The following VSX2 variants were observed in gnomAD, a reference collection of about 807,000 sequenced individuals.
VSX2 encodes visual system homeobox 2.
VSX2 carries 28 observed loss-of-function variants against 32.1 expected under a neutral mutation model. The observed-to-expected ratio is 0.87, with a 90% CI of 0.65 to 1.20. The LOEUF is 1.20. VSX2 is among the 50% of genes most tolerant of loss of function. The probability of loss-of-function intolerance (pLI) is 0.00; values close to 1 mark genes in which losing one functional copy is unlikely to be tolerated. For missense variants in VSX2, 506 were observed against 488.7 expected, an observed-to-expected ratio of 1.04 and a Z score of -0.33; for synonymous variants, 243 against 214.1, an observed-to-expected ratio of 1.14 and a Z score of -1.18.
chr14:74,253,944 A>G (rs2139641779), intron 3 of VSX2, among the ~76,000 whole-genome samples: 1 of 152,212 alleles, frequency 6.6e-6, no homozygotes, highest in East Asian at 1.9e-4. Flanking sequence ...AAGAAAGTAA[A>G]GAAAAGAAAA....
chr14:74,244,944 AAGTGT>A (rs2079178514), intron 2 of VSX2, among the ~76,000 whole-genome samples: 1 of 33,622 alleles, frequency 3.0e-5, no homozygotes, highest in Non-Finnish European at 6.2e-5. Context: ...GAGAGAGAGA[AAGTGT>A]GTGTGTGTGT....
chr14:74,248,334 T>TAAAAAAGAAA (rs2079205919), intron 3 of VSX2, among the ~76,000 whole-genome samples: 1 of 84,748 alleles, frequency 1.2e-5, no homozygotes, highest in Non-Finnish European at 2.2e-5. Context: ...GAGACCAGGC[T>TAAAAAAGAAA]AAAAAAAAAA....
At chr14:74,256,228 C>T (rs932872210) in intron 3 of VSX2, among the ~76,000 whole-genome samples, 1 of 152,250 alleles carries the variant, frequency 6.6e-6, no homozygotes. Context: ...GTCAGGAGTT[C>T]GAGACCAGCC....
In VSX2 at chr14:74,244,945, AGTGT is replaced by A. The variant is rs59905689; in HGVS notation, c.456-186_456-183del. ...GTGTGTGTGTGAAAGAGAGAGAGAA[AGTGT>A]GTGTGTGTGTGTGTGTGTGTGTGTG... On this transcript the variant is annotated intron_variant, in intron 2 of 4. Transcript: ENST00000261980. Among the ~76,000 whole-genome samples, 3,096 of 59,846 alleles carry A rather than the reference AGTGT, an allele frequency of 0.052. 122 individuals are homozygous for A. The highest frequency in any genetic ancestry group is 0.11 in the Admixed American group (604 of 5,564). 39.3% of individuals were successfully genotyped at this position (59,846 alleles called of 152,430 possible).
At chr14:74,254,941 G>A (rs879902369) in intron 3 of VSX2, among the ~76,000 whole-genome samples, 2 of 151,662 alleles carry the variant, frequency 1.3e-5, no homozygotes, top group Non-Finnish European at 2.9e-5. Flanking sequence ...CACCACACCC[G>A]GCTAATTTTT....
chr14:74,239,755 G>C lies in VSX2; in HGVS notation c.194G>C (p.Arg65Pro). 1 of 1,551,428 alleles carries C rather than the reference G, an allele frequency of 6.4e-7. No individual in the cohort carries two copies. Among genetic ancestry groups the C allele is most frequent in the Non-Finnish European group, 8.7e-7 (1 of 1,148,182 alleles). ...GCCCCCGGGCACTTGCTGGCGGCGC[G>C]CTCAGTGCTCAGCCCCGCGGGGGTG... is the stretch of plus-strand genomic sequence containing the variant. Reference protein sequence around the residue: ...GLAPGHLLAARSVLSPAGVGG... With the variant: ...GLAPGHLLAAPSVLSPAGVGG... The change falls in exon 1 of 5, where the codon CGC becomes CCC. Residue 65 changes from arginine (R) to proline (P), a missense_variant. By Grantham distance (103) the Arg-to-Pro change is moderately radical. Coordinates refer to ENST00000261980, the MANE Select transcript of VSX2 (RefSeq NM_182894.3).
intron 3 of VSX2, among the ~76,000 whole-genome samples, chr14:74,246,268 A>ACTGCT (rs1295675757): frequency 1.3e-5 from 2 of 152,098 alleles, no homozygotes; most frequent in Admixed American, 6.5e-5. Flanking sequence ...ACTTCCTGGA[A>ACTGCT]CTGCTCTGCT....
chr14:74,255,319 T>G (rs1452736090), intron 3 of VSX2, among the ~76,000 whole-genome samples: 1 of 152,216 alleles, frequency 6.6e-6, no homozygotes, highest in Non-Finnish European at 1.5e-5. Context: ...TCCACTTCCC[T>G]CCAAGGCACC....
intron 3 of VSX2, among the ~76,000 whole-genome samples, chr14:74,256,694 G>C: frequency 8.9e-6 from 1 of 112,552 alleles, no homozygotes; most frequent in East Asian, 3.1e-4. Flanking sequence ...TTTTTTTTGA[G>C]ACAGAGTCTT....
At chr14:74,259,831 G>T in intron 4 of VSX2, 49 bp downstream of exon 4, 1 of 1,576,032 alleles carries the variant, frequency 6.3e-7, no homozygotes, top group Non-Finnish European at 8.6e-7. Context: ...TGAGGAGAGC[G>T]GGCTCCTTGG....
chr14:74,260,287 G>C (rs533207027), intron 4 of VSX2, among the ~76,000 whole-genome samples: 1 of 152,324 alleles, frequency 6.6e-6, no homozygotes, highest in African/African-American at 2.4e-5. Context: ...TCCTCTTGGG[G>C]TTCTAAGATC....
In VSX2 at chr14:74,260,923, A is replaced by G; in HGVS notation, c.*4A>G. On this transcript the variant is annotated 3_prime_UTR_variant, in exon 5 of 5. Coordinates refer to ENST00000261980, the MANE Select transcript of VSX2 (RefSeq NM_182894.3). ...GCAGCTGGAGGACATGGCTTAGGTC[A>G]AGGCGCGCTCAGATGCCGGAGCCCC... 1 of 1,554,368 alleles carries G rather than the reference A, an allele frequency of 6.4e-7. No homozygotes were observed. The highest frequency in any genetic ancestry group is 2.4e-5 in the East Asian group (1 of 41,188).
intron 2 of VSX2, among the ~76,000 whole-genome samples, chr14:74,243,070 A>G (rs1196775973): frequency 6.6e-6 from 1 of 152,182 alleles, no homozygotes; most frequent in African/African-American, 2.4e-5. Flanking sequence ...AGAGAGGAGA[A>G]TGGCTACGGA....
At chr14:74,245,338 A>T in intron 3 of VSX2, 50 bp downstream of exon 3, 5 of 1,609,542 alleles carry the variant, frequency 3.1e-6, no homozygotes, top group East Asian at 2.2e-5. Context: ...TCTCGGTGAC[A>T]TCTACCACTC....
At chr14:74,258,649 C>T (rs1282020198) in intron 3 of VSX2, among the ~76,000 whole-genome samples, 1 of 152,196 alleles carries the variant, frequency 6.6e-6, no homozygotes, top group Non-Finnish European at 1.5e-5. Flanking sequence ...GCTCCCGGCT[C>T]TGTCAGCTGC....
At chr14:74,254,074 G>A (rs1185653717) in intron 3 of VSX2, among the ~76,000 whole-genome samples, 2 of 152,178 alleles carry the variant, frequency 1.3e-5, no homozygotes, top group Non-Finnish European at 2.9e-5. Context: ...CTGTGTAGGT[G>A]TTCCCCTGTA....
chr14:74,254,473 T>A (rs1294008306), intron 3 of VSX2, among the ~76,000 whole-genome samples: 1 of 152,156 alleles, frequency 6.6e-6, no homozygotes, highest in Non-Finnish European at 1.5e-5. Context: ...CAGGAACACC[T>A]GTTTAGCTCT....
At chr14:74,256,173 G>GT (rs2079261348) in intron 3 of VSX2, among the ~76,000 whole-genome samples, 1 of 152,224 alleles carries the variant, frequency 6.6e-6, no homozygotes, top group Non-Finnish European at 1.5e-5. Context: ...GCTCACACCT[G>GT]TAATCCCAGC....
chr14:74,239,582 A>C lies in VSX2; in HGVS notation c.21A>C (p.Glu7Asp). 1 of 1,551,254 alleles carries C rather than the reference A, an allele frequency of 6.4e-7. No homozygotes were observed. The highest frequency in any genetic ancestry group is 2.0e-5 in the Admixed American group (1 of 51,000). The change falls in exon 1 of 5, where the codon GAA becomes GAC. Residue 7 changes from glutamate (E) to aspartate (D), a missense_variant. Physicochemically the swap from Glu to Asp is conservative, Grantham distance 45. Coordinates refer to ENST00000261980, the MANE Select transcript of VSX2 (RefSeq NM_182894.3). Reference protein sequence around the residue: MTGKAGEALSKPKSETV... With the variant: MTGKAGDALSKPKSETV... ...GGGAGATGACGGGGAAAGCAGGGGAAGCGCTGAGCAAGCCCAAATCCGAGA... is the reference window on the plus strand; with the variant it reads ...GGGAGATGACGGGGAAAGCAGGGGACGCGCTGAGCAAGCCCAAATCCGAGA...
Sources: gnomAD v4.1 joint callset for allele counts (sites outside exome capture counted in the v4.1 genomes callset) on GRCh38, gnomAD v4.1.1 for gene constraint, MANE v1.5 for transcripts, NCBI Gene and HGNC (gene_info 2026-07-23, HGNC 2026-07-21) for gene names.